The following SMAD9 variants were observed in gnomAD, a reference collection of about 807,000 sequenced individuals.
The protein encoded by SMAD9 is SMAD family member 9.
SMAD9 carries 36 observed loss-of-function variants against 46.1 expected under a neutral mutation model. The observed-to-expected ratio is 0.78, with a 90% CI of 0.60 to 1.03. The LOEUF is 1.03. Among genes scored for constraint, SMAD9 ranks in the 50% least tolerant of loss-of-function variants. The pLI is 0.00. For synonymous variants in SMAD9, 245 were observed against 237.1 expected (o/e 1.03, Z -0.31); for missense variants, 572 against 599.8 (o/e 0.95, Z 0.48).
At chr13:36,901,955 CTTTT>C (rs951201965) in intron 1 of SMAD9, among the ~76,000 whole-genome samples, 1 of 152,054 alleles carries the variant, frequency 6.6e-6, no homozygotes, top group Non-Finnish European at 1.5e-5. Context: ...TGTATGTTGT[CTTTT>C]TATTTTCATT....
chr13:36,905,343 T>C (rs1305259638), intron 1 of SMAD9, among the ~76,000 whole-genome samples: 8 of 152,224 alleles, frequency 5.3e-5, no homozygotes, highest in African/African-American at 1.9e-4. Context: ...CTTATCCTGT[T>C]CAAAAGGTCT....
chr13:36,856,177 G>GAA (rs1389034476), intron 5 of SMAD9, among the ~76,000 whole-genome samples: 1 of 152,186 alleles, frequency 6.6e-6, no homozygotes, highest in Non-Finnish European at 1.5e-5. Context: ...CTCCAAAGGG[G>GAA]AAAGACCTGC....
At position 36,867,254 on chromosome 13, in the gene SMAD9, C is replaced by T; in HGVS notation, c.781+19G>A. The T allele has an allele frequency of 7.0e-7, 1 of 1,429,304 alleles. No individual in the cohort carries two copies. Among genetic ancestry groups the T allele is most frequent in the South Asian group, 1.2e-5 (1 of 81,604 alleles). The allele number at this position is 1,429,304 out of a possible 1,614,324, so 88.5% of individuals were successfully genotyped here. A position where few individuals can be genotyped will look rare whatever the true frequency, so the allele number is the denominator to read the frequency against. ...ACTTTTGGAAAATAGCTACATTTCACTGTTCATCTGCAATTTACCTCCATT... is the reference window on the plus strand; with the variant it reads ...ACTTTTGGAAAATAGCTACATTTCATTGTTCATCTGCAATTTACCTCCATT... On this transcript the variant is annotated intron_variant, in intron 4 of 6. Coordinates refer to ENST00000379826, the MANE Select transcript of SMAD9 (RefSeq NM_001127217.3).
chr13:36,881,365 T>A (rs2138509680), intron 1 of SMAD9, among the ~76,000 whole-genome samples: 1 of 152,322 alleles, frequency 6.6e-6, no homozygotes, highest in South Asian at 2.1e-4. Flanking sequence ...CAATTGTTTG[T>A]TTAATATGCA....
At chr13:36,898,388 A>C (rs971001875) in intron 1 of SMAD9, among the ~76,000 whole-genome samples, 1 of 152,202 alleles carries the variant, frequency 6.6e-6, no homozygotes, top group Non-Finnish European at 1.5e-5. Context: ...AATACAAAGG[A>C]GCAAACAGTT....
intron 1 of SMAD9, among the ~76,000 whole-genome samples, chr13:36,912,818 T>C (rs1186413293): frequency 6.6e-6 from 1 of 152,160 alleles, no homozygotes; most frequent in Non-Finnish European, 1.5e-5. Context: ...ATCATTCTCA[T>C]TATCCTTGAC....
rs1274369174 is a variant in SMAD9 at position 36,872,849 on chromosome 13, A to C, written c.479T>G (p.Phe160Cys). The change falls in exon 3 of 7, where the codon TTC becomes TGC. Residue 160 changes from phenylalanine to cysteine, a missense_variant. Physicochemically the swap from Phe to Cys is radical, Grantham distance 205. Coordinates refer to ENST00000379826, the MANE Select transcript of SMAD9 (RefSeq NM_001127217.3). ...CTCACTGTGCAGGGAGGCGCTGCGG[A>C]ACTTGGCCAGGAGGCTGAGCTGGGG... ...YNPQLSLLAK[F>C]RSASLHSEPL... The C allele has an allele frequency of 6.2e-7, 1 of 1,614,096 alleles. No individual in the cohort carries two copies. The highest frequency in any genetic ancestry group is 1.7e-5 in the Admixed American group (1 of 60,020).
intron 5 of SMAD9, among the ~76,000 whole-genome samples, chr13:36,865,137 A>G (rs944305878): frequency 6.6e-6 from 1 of 152,236 alleles, no homozygotes; most frequent in Non-Finnish European, 1.5e-5. Flanking sequence ...CTCCAAAGGG[A>G]ACTTCACCTG....
At chr13:36,863,362 C>T (rs886956262) in intron 5 of SMAD9, among the ~76,000 whole-genome samples, 5 of 152,178 alleles carry the variant, frequency 3.3e-5, no homozygotes, top group Admixed American at 6.6e-5. Context: ...ACTTTGTCTT[C>T]GGACCATGTG....
intron 6 of SMAD9, chr13:36,849,587 C>T (rs186120750): frequency 6.6e-6 from 1 of 151,862 alleles, no homozygotes; most frequent in African/African-American, 2.4e-5. Flanking sequence ...ACCCACCCCC[C>T]AGTCCCTTCT....
intron 1 of SMAD9, 58 bp from the exon 2 acceptor site, chr13:36,879,933 G>GTT: frequency 2.0e-6 from 1 of 500,136 alleles, no homozygotes; most frequent in Non-Finnish European, 3.6e-6. Flanking sequence ...AGAAAAAGTT[G>GTT]AAGTTGGATA....
chr13:36,860,811 T>A (rs1047834883), intron 5 of SMAD9, among the ~76,000 whole-genome samples: 7 of 151,910 alleles, frequency 4.6e-5, no homozygotes, highest in African/African-American at 1.2e-4. Flanking sequence ...CATCATCATA[T>A]TATTATTATT....
intron 5 of SMAD9, among the ~76,000 whole-genome samples, chr13:36,854,696 G>GA (rs1340861873): frequency 6.6e-6 from 1 of 152,058 alleles, no homozygotes; most frequent in African/African-American, 2.4e-5. Context: ...TTTAAAACTG[G>GA]ACACAGTTAA....
At position 36,846,473 on chromosome 13, in the gene SMAD9, C is replaced by CAAAA. The variant is rs10579121; in HGVS notation, c.*2199_*2202dup. 1.3e-5 allele frequency: 1 copy of CAAAA among 77,292 alleles called. No homozygotes were observed. The allele number at this position is 77,292 out of a possible 1,614,324, so 4.8% of individuals were successfully genotyped here. On this transcript the variant is annotated 3_prime_UTR_variant, in exon 7 of 7. Coordinates refer to ENST00000379826, the MANE Select transcript of SMAD9 (RefSeq NM_001127217.3). The stretch of plus-strand genomic sequence containing the variant: ...CTGGTGACACAGCGAGACTCCATCT[C>CAAAA]AAAAAAAAAAAAAAAAAAAAAAAGA...
intron 6 of SMAD9, among the ~76,000 whole-genome samples, chr13:36,852,717 G>A (rs1380494963): frequency 6.6e-6 from 1 of 152,124 alleles, no homozygotes; most frequent in South Asian, 2.1e-4. Flanking sequence ...GTGCCTGTAT[G>A]CTTTCTAAGA....
intron 5 of SMAD9, among the ~76,000 whole-genome samples, chr13:36,854,384 T>C (rs2138293996): frequency 6.6e-6 from 1 of 152,252 alleles, no homozygotes; most frequent in Admixed American, 6.5e-5. Flanking sequence ...TTTTTTTTTT[T>C]TGAGACGGAG....
At position 36,853,332 on chromosome 13, in the gene SMAD9, G is replaced by A. The variant is rs549586981; in HGVS notation, c.1260+87C>T. The A allele has an allele frequency of 3.6e-4, 467 of 1,311,330 alleles. 7 individuals are homozygous for A. The South Asian group carries it at 4.0e-3, about 11-fold the overall frequency. 81.2% of individuals were successfully genotyped at this position (1,311,330 alleles called of 1,614,324 possible). On this transcript the variant is annotated intron_variant, in intron 6 of 6. Transcript: ENST00000379826. ...TTGGTTTTGTCTATCAGAATTGACC[G>A]CACAACTGCCTGCCACATCAGTCAG... is the stretch of plus-strand genomic sequence containing the variant.
chr13:36,865,151 C>A (rs2058220100), intron 5 of SMAD9, among the ~76,000 whole-genome samples: 1 of 152,218 alleles, frequency 6.6e-6, no homozygotes, highest in South Asian at 2.1e-4. Flanking sequence ...TCACCTGATA[C>A]AAATAATCAT....
intron 2 of SMAD9, among the ~76,000 whole-genome samples, chr13:36,874,042 G>A (rs73175012): frequency 0.053 from 8,131 of 152,174 alleles, 312 homozygotes; most frequent in East Asian, 0.14. Context: ...ACGTCCTACC[G>A]ACTCCTAGAA....
Sources: allele counts gnomAD v4.1 joint callset (sites outside exome capture counted in the v4.1 genomes callset), GRCh38; gene constraint gnomAD v4.1.1; transcripts MANE v1.5; gene names NCBI Gene and HGNC (gene_info 2026-07-23, HGNC 2026-07-21).